STXBP5L: variants seen among roughly 807,000 people sequenced by gnomAD.
The protein encoded by STXBP5L is syntaxin-binding protein 5-like.
Under a neutral mutation model 144.5 loss-of-function variants are expected in STXBP5L, and 65 were observed. The ratio of observed to expected loss-of-function variants is 0.45; its 90% CI spans 0.37 to 0.55. The LOEUF (loss-of-function observed/expected upper bound fraction) is 0.55. STXBP5L is among the 20% of genes least tolerant of loss of function. STXBP5L has a pLI of 0.00. For synonymous variants in STXBP5L, 505 were observed against 469.6 expected, an observed-to-expected ratio of 1.08 and a Z score of -0.97; for missense variants, 1,298 against 1,405.5, an observed-to-expected ratio of 0.92 and a Z score of 1.22.
Position 121,052,519 on chromosome 3 carries a change from T to G in STXBP5L, c.470+6984T>G, listed in dbSNP as rs370771850. On this transcript the variant is annotated intron_variant, in intron 5 of 26. Coordinates refer to ENST00000471454, the MANE Select transcript of STXBP5L (RefSeq NM_001308330.2). The stretch of plus-strand genomic sequence containing the variant: ...CCACATGATTATCTCAATAGATGCA[T>G]AAAAGGCCTTTGACAAAATTCAACA... 1.6e-4 allele frequency among the ~76,000 whole-genome samples: 24 copies of G among 152,178 alleles called. 1 individual carries two copies. The Middle Eastern group carries it at 0.01, about 65-fold the overall frequency.
intron 5 of STXBP5L, among the ~76,000 whole-genome samples, chr3:121,052,712 T>A (rs933015033): frequency 6.6e-6 from 1 of 151,902 alleles, no homozygotes; most frequent in Admixed American, 6.6e-5. Context: ...CTCTCACCAC[T>A]CCTATTCAAC....
intron 19 of STXBP5L, among the ~76,000 whole-genome samples, chr3:121,300,996 G>C (rs1323767033): frequency 6.6e-6 from 1 of 152,166 alleles, no homozygotes; most frequent in Admixed American, 6.5e-5. Flanking sequence ...CTCCAGCTTT[G>C]TTCTTTCGGC....
intron 3 of STXBP5L, among the ~76,000 whole-genome samples, chr3:120,993,645 G>T (rs185470717): frequency 2.2e-4 from 34 of 152,102 alleles, no homozygotes; most frequent in Admixed American, 2.0e-3. Context: ...TCTGTGTTCT[G>T]TTCCATTGGT....
At chr3:120,965,984 C>CT (rs1043014509) in intron 3 of STXBP5L, among the ~76,000 whole-genome samples, 10 of 152,054 alleles carry the variant, frequency 6.6e-5, no homozygotes, top group South Asian at 2.1e-4. Flanking sequence ...TCTTTTCACT[C>CT]TTTTTTTTCT....
chr3:121,345,576 A>T (rs572400686), intron 20 of STXBP5L, among the ~76,000 whole-genome samples: 2 of 152,160 alleles, frequency 1.3e-5, no homozygotes, highest in African/African-American at 4.8e-5. Flanking sequence ...TTCTTGAGGG[A>T]TCACCACACT....
chr3:121,275,636 A>G (rs1160650730), intron 18 of STXBP5L, among the ~76,000 whole-genome samples: 1 of 152,130 alleles, frequency 6.6e-6, no homozygotes, highest in Non-Finnish European at 1.5e-5. Context: ...GAATGTTTGC[A>G]TACTACACCT....
At chr3:120,972,084 AATT>A (rs1559930890) in intron 3 of STXBP5L, among the ~76,000 whole-genome samples, 1 of 151,948 alleles carries the variant, frequency 6.6e-6, no homozygotes, top group Non-Finnish European at 1.5e-5. Context: ...TGAATTTTAC[AATT>A]ATTCTTATTC....
intron 3 of STXBP5L, among the ~76,000 whole-genome samples, chr3:121,007,348 T>A (rs1181137672): frequency 6.6e-6 from 1 of 152,020 alleles, no homozygotes; most frequent in Non-Finnish European, 1.5e-5. Flanking sequence ...CTTTCTTTTA[T>A]GATAATAGTT....
intron 2 of STXBP5L, among the ~76,000 whole-genome samples, chr3:120,911,160 A>G (rs756709610): frequency 7.2e-5 from 11 of 152,128 alleles, no homozygotes; most frequent in Non-Finnish European, 1.2e-4. Context: ...TAAAACTGGT[A>G]TAGGAAAGAT....
chr3:121,015,580 C>T (rs181210955), intron 3 of STXBP5L, among the ~76,000 whole-genome samples: 17 of 152,222 alleles, frequency 1.1e-4, no homozygotes, highest in Admixed American at 5.2e-4. Context: ...CTGAAATGTT[C>T]GGGAACCCCC....
intron 7 of STXBP5L, among the ~76,000 whole-genome samples, chr3:121,124,295 A>T (rs1388007565): frequency 1.3e-5 from 2 of 151,772 alleles, no homozygotes; most frequent in East Asian, 3.9e-4. Flanking sequence ...GCTATTTCTG[A>T]CTCATTATTC....
chr3:121,402,302 CGTG>C (rs1412556303), intron 22 of STXBP5L, among the ~76,000 whole-genome samples: 2 of 152,028 alleles, frequency 1.3e-5, no homozygotes, highest in African/African-American at 4.8e-5. Context: ...TGAGAAGTTC[CGTG>C]GAAGTTGAGA....
intron 20 of STXBP5L, among the ~76,000 whole-genome samples, chr3:121,346,076 G>T (rs940992806): frequency 6.6e-5 from 10 of 151,704 alleles, no homozygotes; most frequent in African/African-American, 2.2e-4. Flanking sequence ...TTAGCATTAG[G>T]TATATCTCCT....
chr3:120,987,344 T>G (rs1942383484), intron 3 of STXBP5L, among the ~76,000 whole-genome samples: 1 of 152,016 alleles, frequency 6.6e-6, no homozygotes, highest in African/African-American at 2.4e-5. Flanking sequence ...GAACTAATTG[T>G]GGTACTAATT....
At chr3:121,388,224 C>T (rs945466872) in intron 22 of STXBP5L, among the ~76,000 whole-genome samples, 7 of 152,120 alleles carry the variant, frequency 4.6e-5, no homozygotes, top group South Asian at 4.1e-4. Flanking sequence ...ATAGGAATGT[C>T]TGTGATTTTT....
chr3:120,982,317 G>T (rs562880570), intron 3 of STXBP5L, among the ~76,000 whole-genome samples: 1 of 152,174 alleles, frequency 6.6e-6, no homozygotes, highest in Admixed American at 6.5e-5. Flanking sequence ...AAAGCTGGGT[G>T]GAACTGGACA....
chr3:121,092,035 A>T (rs1178657491), intron 5 of STXBP5L, among the ~76,000 whole-genome samples: 6 of 151,992 alleles, frequency 3.9e-5, no homozygotes. Context: ...AATAGGGAAT[A>T]CTTTCCCCAT....
intron 9 of STXBP5L, chr3:121,158,878 ACCATAT>A (rs1413495580): frequency 6.6e-6 from 1 of 151,950 alleles, no homozygotes; most frequent in Admixed American, 6.5e-5. Flanking sequence ...TATTTTTTTT[ACCATAT>A]CCATATTTAT....
chr3:121,000,716 G>T (rs1523509), intron 3 of STXBP5L, among the ~76,000 whole-genome samples: 1 of 151,948 alleles, frequency 6.6e-6, no homozygotes, highest in African/African-American at 2.4e-5. Context: ...CAGAGGTCTT[G>T]CACTGATTCT....
Sources: gnomAD v4.1 joint callset for allele counts (sites outside exome capture counted in the v4.1 genomes callset) on GRCh38, gnomAD v4.1.1 for gene constraint, MANE v1.5 for transcripts, NCBI Gene and HGNC (gene_info 2026-07-23, HGNC 2026-07-21) for gene names.